DMD: variants seen among roughly 807,000 people sequenced by gnomAD.
DMD encodes the protein mutant dystrophin.
Under a neutral mutation model 330.1 loss-of-function variants are expected in DMD, and 63 were observed. That is an observed-to-expected ratio of 0.19 (90% CI 0.16 to 0.24). The LOEUF (loss-of-function observed/expected upper bound fraction) is 0.24, where lower values mean the gene tolerates loss of function less well. Among genes scored for constraint, DMD ranks in the 10% least tolerant of loss-of-function variants. The pLI is 1.00. For synonymous variants in DMD, 1,223 were observed against 959.8 expected, an observed-to-expected ratio of 1.27 and a Z score of -5.07; for missense variants, 3,344 against 2,684.1, an observed-to-expected ratio of 1.25 and a Z score of -5.43.
rs746107962 is a variant in DMD, at chrX:32,882,300, A to C, written c.94-32480T>G. 8.0e-5 allele frequency among the ~76,000 whole-genome samples: 9 copies of C among 111,862 alleles called. No homozygotes were observed. In the East Asian group the frequency reaches 2.5e-3, roughly 32 times the overall value. On this transcript the variant is annotated intron_variant, in intron 2 of 78. Transcript: ENST00000357033. ...TTGTCTTCCCAGCCCTAGGAGCGGT[A>C]GCTACTTTGTGCACTTGCTACCTCT...
intron 44 of DMD, among the ~76,000 whole-genome samples, chrX:32,044,306 T>C (rs935371781): frequency 7.2e-5 from 8 of 111,213 alleles, no homozygotes; most frequent in Admixed American, 6.7e-4. Flanking sequence ...ATAGGGGATG[T>C]CTTAGGACCA....
At chrX:31,689,171 GT>G (rs923151452) in intron 52 of DMD, among the ~76,000 whole-genome samples, 3 of 111,021 alleles carry the variant, frequency 2.7e-5, no homozygotes, top group Non-Finnish European at 5.7e-5. Flanking sequence ...AAAAGAGGAA[GT>G]CAAATTGTCC....
intron 61 of DMD, among the ~76,000 whole-genome samples, chrX:31,333,792 G>A (rs913677741): frequency 5.5e-5 from 6 of 109,193 alleles, no homozygotes; most frequent in African/African-American, 1.7e-4. Context: ...ATTCTCTCTC[G>A]TCTGCCTATT....
chrX:32,328,052 C>G (rs570694995), intron 41 of DMD, among the ~76,000 whole-genome samples: 37 of 111,324 alleles, frequency 3.3e-4, no homozygotes, highest in East Asian at 1.1e-3. Context: ...AGTCTTTTGT[C>G]AATCACAAAT....
At chrX:33,096,991 G>T (rs1644384860) in intron 1 of DMD, among the ~76,000 whole-genome samples, 1 of 111,903 alleles carries the variant, frequency 8.9e-6, no homozygotes, top group Non-Finnish European at 1.9e-5. Flanking sequence ...TCAAGTTTGT[G>T]TTTTACCAGC....
intron 2 of DMD, among the ~76,000 whole-genome samples, chrX:32,923,737 T>C (rs1331335623): frequency 8.9e-6 from 1 of 111,925 alleles, no homozygotes; most frequent in Non-Finnish European, 1.9e-5. Flanking sequence ...GGATTTGTTA[T>C]ATTTTTAAAA....
chrX:31,555,779 ATGT>A (rs1603364692), intron 55 of DMD, among the ~76,000 whole-genome samples: 1 of 112,027 alleles, frequency 8.9e-6, no homozygotes, highest in Admixed American at 9.5e-5. Context: ...AAGACATATA[ATGT>A]TGTGTACTGC....
chrX:32,733,139 A>G (rs2067948643), intron 7 of DMD, among the ~76,000 whole-genome samples: 1 of 109,316 alleles, frequency 9.1e-6, no homozygotes, highest in Non-Finnish European at 1.9e-5. Context: ...CAGACTTTAA[A>G]CCAACAAAGA....
intron 1 of DMD, among the ~76,000 whole-genome samples, chrX:33,338,401 AG>A (rs1171516117): frequency 9.1e-6 from 1 of 110,466 alleles, no homozygotes; most frequent in Non-Finnish European, 1.9e-5. Flanking sequence ...AAACAGAGAA[AG>A]GGTTCTAAAA....
intron 77 of DMD, among the ~76,000 whole-genome samples, chrX:31,132,542 A>C (rs1455487969): frequency 8.9e-6 from 1 of 111,815 alleles, no homozygotes; most frequent in African/African-American, 3.2e-5. Context: ...GCAACTTTCC[A>C]GAGCAGGTAA....
At chrX:33,184,720 C>CTTTTTTTTTT (rs11317329) in intron 1 of DMD, among the ~76,000 whole-genome samples, 2 of 51,084 alleles carry the variant, frequency 3.9e-5, no homozygotes, top group Non-Finnish European at 7.2e-5. Flanking sequence ...TTTTTTCTTT[C>CTTTTTTTTTT]TTTTTTTTTT....
chrX:32,243,085 G>A (rs1330766526), intron 43 of DMD, among the ~76,000 whole-genome samples: 1 of 108,535 alleles, frequency 9.2e-6, no homozygotes, highest in Non-Finnish European at 1.9e-5. Flanking sequence ...CAGACAGGCA[G>A]GCAAGCAAGC....
intron 21 of DMD, among the ~76,000 whole-genome samples, chrX:32,472,849 C>A (rs772624581): frequency 2.7e-5 from 3 of 110,836 alleles, no homozygotes; most frequent in Non-Finnish European, 5.7e-5. Context: ...TAGTAATAAC[C>A]CCATAAATAT....
chrX:32,612,957 G>T (rs1293187115), intron 12 of DMD, among the ~76,000 whole-genome samples: 1 of 111,016 alleles, frequency 9.0e-6, no homozygotes, highest in Non-Finnish European at 1.9e-5. Context: ...TCTTTCATTT[G>T]CATGGAAGAA....
chrX:32,400,793 A>G (rs1241874581), intron 30 of DMD, among the ~76,000 whole-genome samples: 1 of 107,489 alleles, frequency 9.3e-6, no homozygotes, highest in East Asian at 3.0e-4. Flanking sequence ...GGGATCTAGA[A>G]CTAGAAATAC....
In DMD at chrX:32,155,914, G is replaced by T. The variant is rs200415902; in HGVS notation, c.6438+61002C>A. 1.2e-4 allele frequency among the ~76,000 whole-genome samples: 13 copies of T among 109,250 alleles called. No individual in the cohort carries two copies. The East Asian group carries it at 2.9e-3, about 25-fold the overall frequency. The allele number at this position is 109,250 out of a possible 115,157, so 94.9% of individuals were successfully genotyped here. On this transcript the variant is annotated intron_variant, in intron 44 of 78. Coordinates refer to ENST00000357033, the MANE Select transcript of DMD (RefSeq NM_004006.3). ...CTGTAATGAAAGTAAAAAATGCAAG[G>T]TTTGCTGAACAGCTCCAGAGGGTTA...
At chrX:33,120,878 CAAAAAAAAAAAA>C (rs1171070469) in intron 1 of DMD, among the ~76,000 whole-genome samples, 4 of 36,690 alleles carry the variant, frequency 1.1e-4, no homozygotes, top group East Asian at 1.1e-3. Flanking sequence ...ATGACTCTCT[CAAAAAAAAAAAA>C]AAAAAAAAAA....
intron 43 of DMD, among the ~76,000 whole-genome samples, chrX:32,271,979 A>G (rs902001976): frequency 8.1e-5 from 9 of 111,759 alleles, no homozygotes; most frequent in Admixed American, 4.8e-4. Flanking sequence ...GAAGCTTATT[A>G]TATACATTTA....
intron 2 of DMD, among the ~76,000 whole-genome samples, chrX:32,883,105 G>A (rs1166692390): frequency 8.9e-6 from 1 of 111,934 alleles, no homozygotes; most frequent in African/African-American, 3.3e-5. Context: ...ACTTAAGCAT[G>A]TAAATTAATT....
Sources: gnomAD v4.1 joint callset for allele counts (sites outside exome capture counted in the v4.1 genomes callset) on GRCh38, gnomAD v4.1.1 for gene constraint, MANE v1.5 for transcripts, NCBI Gene and HGNC (gene_info 2026-07-23, HGNC 2026-07-21) for gene names.